Variants in SULF1 observed in about 807,000 individuals in gnomAD.
SULF1 encodes sulfatase 1.
SULF1 carries 46 observed loss-of-function variants against 110.5 expected under a neutral mutation model. The ratio of observed to expected loss-of-function variants is 0.42; its 90% CI spans 0.33 to 0.53. SULF1 has a LOEUF of 0.53. Among genes scored for constraint, SULF1 ranks in the 20% least tolerant of loss-of-function variants. The probability of loss-of-function intolerance (pLI) is 0.12; values close to 1 mark genes in which losing one functional copy is unlikely to be tolerated. For synonymous variants in SULF1, 371 were observed against 387.1 expected (o/e 0.96, Z 0.49); for missense variants, 941 against 1,094.2 (o/e 0.86, Z 1.98).
At chr8:69,504,972 C>A (rs2150578332) in intron 3 of SULF1, among the ~76,000 whole-genome samples, 1 of 152,310 alleles carries the variant, frequency 6.6e-6, no homozygotes, top group Non-Finnish European at 1.5e-5. Context: ...TGCCTCTCTG[C>A]TCATATCATT....
At chr8:69,607,168 T>C (rs1808282139) in intron 13 of SULF1, among the ~76,000 whole-genome samples, 1 of 152,192 alleles carries the variant, frequency 6.6e-6, no homozygotes, top group Admixed American at 6.5e-5. Context: ...AGCCCAGCAA[T>C]CTGTGTGTTA....
chr8:69,631,873 A>G (rs975106009), intron 19 of SULF1, among the ~76,000 whole-genome samples: 1 of 152,258 alleles, frequency 6.6e-6, no homozygotes, highest in Non-Finnish European at 1.5e-5. Context: ...ACGCTCTATC[A>G]GCAAGCTCTG....
intron 8 of SULF1, among the ~76,000 whole-genome samples, chr8:69,594,155 C>A (rs1379237496): frequency 1.3e-5 from 2 of 152,094 alleles, no homozygotes; most frequent in Non-Finnish European, 2.9e-5. Flanking sequence ...AGGTTCAAAC[C>A]ATTCTCCTGC....
chr8:69,633,467 T>C (rs2130639750), intron 19 of SULF1, among the ~76,000 whole-genome samples: 2 of 151,958 alleles, frequency 1.3e-5, no homozygotes, highest in South Asian at 4.2e-4. Context: ...TAGCTGGGAT[T>C]ACAGGCGGCC....
chr8:69,610,111 T>A (rs1051374654), intron 13 of SULF1, among the ~76,000 whole-genome samples: 2 of 152,246 alleles, frequency 1.3e-5, no homozygotes, highest in African/African-American at 4.8e-5. Flanking sequence ...TGATGAGTTG[T>A]TGAATTCCAG....
intron 3 of SULF1, among the ~76,000 whole-genome samples, chr8:69,526,349 GATC>G (rs1300456537): frequency 6.6e-6 from 1 of 152,070 alleles, no homozygotes; most frequent in East Asian, 1.9e-4. Flanking sequence ...TTTAAATAAA[GATC>G]ATTCTATTCT....
chr8:69,523,240 T>G (rs1159085050), intron 3 of SULF1, among the ~76,000 whole-genome samples: 1 of 151,634 alleles, frequency 6.6e-6, no homozygotes, highest in African/African-American at 2.4e-5. Context: ...TGTAGTGGAG[T>G]AGATGCTGGC....
chr8:69,660,109 T>C lies in SULF1; in HGVS notation c.*1574T>C, dbSNP rs1038022343. On this transcript the variant is annotated 3_prime_UTR_variant, in exon 23 of 23. Transcript: ENST00000402687. The stretch of plus-strand genomic sequence containing the variant: ...GCCTCAAAGCGTTCATCATACATCA[T>C]ACCTTTAAGATTGCTATATTTTGGG... 1 of 152,568 alleles carries C rather than the reference T, an allele frequency of 6.6e-6. No individual in the cohort carries two copies. Among genetic ancestry groups the C allele is most frequent in the Non-Finnish European group, 1.5e-5 (1 of 68,040 alleles). 9.5% of individuals were successfully genotyped at this position (152,568 alleles called of 1,614,324 possible). A position where few individuals can be genotyped will look rare whatever the true frequency, so the allele number is the denominator to read the frequency against.
chr8:69,601,790 C>T lies in SULF1; in HGVS notation c.1022C>T (p.Pro341Leu), dbSNP rs1563573980. 1.2e-6 allele frequency: 2 copies of T among 1,610,780 alleles called. No individual in the cohort carries two copies. The highest frequency in any genetic ancestry group is 3.4e-5 in the Admixed American group (2 of 59,434). Residue 341 changes from proline to leucine, a missense_variant, in exon 10 of 23, where the codon CCT (proline) becomes CTT (leucine). By Grantham distance (98) the Pro-to-Leu change is moderately conservative (BLOSUM62 -3). This residue lies in a region of SULF1 where 822 missense variants were observed against 934.3 expected (regional missense o/e 0.88). Transcript: ENST00000402687. ...CCATATGACTTTGATATTCGTGTGCCTTTTTTTATTCGTGGTCCAAGTGTA... is the reference window on the plus strand; with the variant it reads ...CCATATGACTTTGATATTCGTGTGCTTTTTTTTATTCGTGGTCCAAGTGTA... ...SMPYDFDIRV[P>L]FFIRGPSVEP...
At chr8:69,559,481 A>C (rs984177097) in intron 3 of SULF1, among the ~76,000 whole-genome samples, 1 of 152,236 alleles carries the variant, frequency 6.6e-6, no homozygotes, top group Non-Finnish European at 1.5e-5. Flanking sequence ...GAGTCTGCCA[A>C]GTGTAGTATA....
At chr8:69,492,595 C>T (rs1176864442), upstream of SULF1, among the ~76,000 whole-genome samples, 1 of 152,188 alleles carries the variant, frequency 6.6e-6, no homozygotes, top group Admixed American at 6.5e-5. Flanking sequence ...GAGCCCCTGC[C>T]CGCCGCCGTC....
chr8:69,492,638 C>G (rs1441149661), upstream of SULF1: 1 of 152,228 alleles, frequency 6.6e-6, no homozygotes, highest in African/African-American at 2.4e-5. Context: ...GTTTGTTTGC[C>G]GAGGTTTGCA....
intron 3 of SULF1, among the ~76,000 whole-genome samples, chr8:69,504,094 A>C (rs1429597000): frequency 6.6e-6 from 1 of 151,814 alleles, no homozygotes; most frequent in African/African-American, 2.4e-5. Flanking sequence ...CACTGCGCCC[A>C]TGAAAAGGCC....
At chr8:69,588,857 T>C in intron 7 of SULF1, 115 bp from the exon 8 acceptor site, 4 of 1,012,652 alleles carry the variant, frequency 4.0e-6, no homozygotes, top group Non-Finnish European at 5.9e-6. Context: ...TCCTTCCTGC[T>C]GTAGACCTTG....
chr8:69,559,407 A>G (rs1292896598), intron 3 of SULF1, among the ~76,000 whole-genome samples: 2 of 152,224 alleles, frequency 1.3e-5, no homozygotes, highest in African/African-American at 2.4e-5. Context: ...TCATTTTACA[A>G]TATCAAAAAA....
At chr8:69,491,247 A>C (rs1490896705), upstream of SULF1, among the ~76,000 whole-genome samples, 2 of 152,226 alleles carry the variant, frequency 1.3e-5, no homozygotes, top group Non-Finnish European at 2.9e-5. Flanking sequence ...AAGCCACAAG[A>C]AATTCAGTAT....
intron 6 of SULF1, among the ~76,000 whole-genome samples, chr8:69,583,080 C>A (rs1438703581): frequency 1.3e-5 from 2 of 152,176 alleles, no homozygotes; most frequent in Non-Finnish European, 2.9e-5. Flanking sequence ...ACTTGGCTGA[C>A]TGTAGACCTA....
At chr8:69,558,407 C>T (rs1158731320) in intron 3 of SULF1, among the ~76,000 whole-genome samples, 3 of 152,166 alleles carry the variant, frequency 2.0e-5, no homozygotes, top group Non-Finnish European at 1.5e-5. Flanking sequence ...CTATAAAGTG[C>T]CATTGCTTTG....
intron 3 of SULF1, among the ~76,000 whole-genome samples, chr8:69,513,905 T>C (rs1016490797): frequency 2.0e-5 from 3 of 152,196 alleles, no homozygotes; most frequent in African/African-American, 7.2e-5. Context: ...GGCTCTAAAA[T>C]GTATTTTTGT....
Sources: allele counts gnomAD v4.1 joint callset (sites outside exome capture counted in the v4.1 genomes callset), GRCh38; gene constraint gnomAD v4.1.1; regional missense constraint gnomAD v4.1.1; transcripts MANE v1.5; gene names NCBI Gene and HGNC (gene_info 2026-07-23, HGNC 2026-07-21).